LYST: variants seen among roughly 807,000 people sequenced by gnomAD.
LYST encodes lysosomal trafficking regulator.
In LYST, 192 loss-of-function variants were observed where a neutral mutation model predicts 413.6. The ratio of observed to expected loss-of-function variants is 0.46; its 90% confidence interval spans 0.41 to 0.52. LYST has a LOEUF of 0.52. LYST is among the 20% of genes least tolerant of loss of function. The pLI is 0.00. For synonymous variants in LYST, 1,525 were observed against 1,567.3 expected (o/e 0.97, Z 0.64); for missense variants, 3,815 against 4,499.9 (o/e 0.85, Z 4.35).
intron 10 of LYST, among the ~76,000 whole-genome samples, chr1:235,799,698 T>C (rs1373224311): frequency 6.6e-6 from 1 of 152,094 alleles, no homozygotes; most frequent in African/African-American, 2.4e-5. Context: ...CAAGTACAGA[T>C]TAATCAATAC....
rs552601776 is a variant in LYST, at chr1:235,808,803, TAAG to T, written c.2012_2014del (p.Ser671del). On this transcript the variant is annotated inframe_deletion, in exon 5 of 53. Coordinates refer to ENST00000389793, the MANE Select transcript of LYST (RefSeq NM_000081.4). ...GCTGGGCAGGATCCCTTGAAATCTGTAAGAAGGACTGGATAAACTTGAGGAGAG... is the reference window on the plus strand; with the variant it reads ...GCTGGGCAGGATCCCTTGAAATCTGTAAGGACTGGATAAACTTGAGGAGAG... 159 of 1,614,068 alleles carry T rather than the reference TAAG, an allele frequency of 9.9e-5. 2 individuals are homozygous for T. In the South Asian group the frequency reaches 1.6e-3, roughly 17 times the overall value.
At chr1:235,761,966 C>A (rs1275821578) in intron 22 of LYST, among the ~76,000 whole-genome samples, 1 of 115,470 alleles carries the variant, frequency 8.7e-6, no homozygotes. Flanking sequence ...CACACCAGGG[C>A]CTGTTGTCGG....
In LYST at chr1:235,801,056, T is replaced by C. The variant is rs1371507184; in HGVS notation, c.3754A>G (p.Ser1252Gly). The change falls in exon 9 of 53, where the codon AGC becomes GGC. Residue 1252 changes from serine (S) to glycine (G), a missense_variant. Physicochemically the swap from Ser to Gly is moderately conservative, Grantham distance 56. This residue lies in a region of LYST where 1,648 missense variants were observed against 1,810.3 expected (regional missense o/e 0.91). Coordinates refer to ENST00000389793, the MANE Select transcript of LYST (RefSeq NM_000081.4). ...KSETEGFSAS[S>G]SPNDLLENLT... ...TTTTCGAGTAAGTCATTTGGACTGC[T>C]TGATGCACTGAAACCTTCTGTTTCA... 4 of 1,613,204 alleles carry C rather than the reference T, an allele frequency of 2.5e-6. No individual in the cohort carries two copies. Among genetic ancestry groups the C allele is most frequent in the African/African-American group, 1.3e-5 (1 of 74,910 alleles).
Position 235,677,513 on chromosome 1 carries a change from C to T in LYST, c.10907G>A (p.Arg3636Lys). The T allele has an allele frequency of 6.2e-7, 1 of 1,613,778 alleles. No homozygotes were observed. The highest frequency in any genetic ancestry group is 8.5e-7 in the Non-Finnish European group (1 of 1,179,780). ...ATCCCATATGATGCAGGTTCCGTCT[C>T]TGCTCACACTTATCAGTATACTGTA... is the stretch of plus-strand genomic sequence containing the variant. The part of the protein sequence containing the change: ...KPYSILISVS[R>K]DGTCIIWDLN... Residue 3636 changes from arginine (R) to lysine (K), a missense_variant, in exon 49 of 53, where the codon AGA becomes AAA. Physicochemically the swap from Arg to Lys is conservative, Grantham distance 26. Around this residue, in one of 4 missense-constraint regions of LYST, gnomAD observed 866 missense variants for 1,156.0 expected, o/e 0.75. Transcript: ENST00000389793.
intron 48 of LYST, among the ~76,000 whole-genome samples, chr1:235,682,451 T>C (rs1659898504): frequency 6.6e-6 from 1 of 152,140 alleles, no homozygotes; most frequent in South Asian, 2.1e-4. Flanking sequence ...ATGAGAAGCA[T>C]GCTGTGCAGC....
intron 47 of LYST, among the ~76,000 whole-genome samples, chr1:235,689,581 G>A (rs1660493733): frequency 6.6e-6 from 1 of 151,866 alleles, no homozygotes; most frequent in Non-Finnish European, 1.5e-5. Context: ...CTAACGTAGA[G>A]GATGGTGACT....
intron 1 of LYST, among the ~76,000 whole-genome samples, chr1:235,834,123 T>C (rs1676283519): frequency 6.6e-6 from 1 of 152,204 alleles, no homozygotes; most frequent in Admixed American, 6.5e-5. Flanking sequence ...AAGCCAAACA[T>C]TAATTTATTA....
At chr1:235,721,203 A>T (rs1663339741) in intron 39 of LYST, among the ~76,000 whole-genome samples, 1 of 152,176 alleles carries the variant, frequency 6.6e-6, no homozygotes, top group Non-Finnish European at 1.5e-5. Flanking sequence ...AAAAAAAAAT[A>T]AGGAAAAAAG....
chr1:235,819,200 T>G (rs1017985618), intron 3 of LYST, among the ~76,000 whole-genome samples: 1 of 152,154 alleles, frequency 6.6e-6, no homozygotes, highest in Non-Finnish European at 1.5e-5. Flanking sequence ...TTCCTTCACA[T>G]TTCATTACCA....
At position 235,691,151 on chromosome 1, in the gene LYST, C is replaced by T. The variant is rs558426428; in HGVS notation, c.10701+2199G>A. Among the ~76,000 whole-genome samples, 171 of 152,230 alleles carry T rather than the reference C, an allele frequency of 1.1e-3. 1 individual carries two copies. The highest frequency in any genetic ancestry group is 0.01 in the Admixed American group (159 of 15,288). ...GCCAGGATGGTCTCGATCTCCTGAC[C>T]TTGTGATCCGCCCGCCTCGGCCTCC... is the stretch of plus-strand genomic sequence containing the variant. On this transcript the variant is annotated intron_variant, in intron 47 of 52. Coordinates refer to ENST00000389793, the MANE Select transcript of LYST (RefSeq NM_000081.4).
intron 7 of LYST, among the ~76,000 whole-genome samples, chr1:235,803,960 T>C (rs1260582600): frequency 6.6e-6 from 1 of 152,030 alleles, no homozygotes; most frequent in Non-Finnish European, 1.5e-5. Flanking sequence ...AACAAGCCAA[T>C]TATGTACCAC....
intron 50 of LYST, among the ~76,000 whole-genome samples, chr1:235,672,306 A>G (rs1284885532): frequency 6.6e-6 from 1 of 152,198 alleles, no homozygotes; most frequent in African/African-American, 2.4e-5. Flanking sequence ...ATCACCTAGT[A>G]CAGCTAGAGA....
At chr1:235,693,241 G>A (rs74888074) in intron 47 of LYST, 109 bp downstream of exon 47, 37 of 745,618 alleles carry the variant, frequency 5.0e-5, no homozygotes, top group Non-Finnish European at 7.1e-5. Flanking sequence ...GGCGTGAGCC[G>A]GGAGGTGGAG....
rs188020814 is a variant in LYST at position 235,878,957 on chromosome 1, T to A, written n.454+4230A>T. 3.3e-5 allele frequency among the ~76,000 whole-genome samples: 5 copies of A among 152,236 alleles called. No individual in the cohort carries two copies. The East Asian group carries it at 5.8e-4, about 18-fold the overall frequency. ...ATGGATATATTGAGTAGTGGTGAGG[T>A]CTGGGCTGTTAGAGTACCCATCACC... On this transcript the variant is annotated intron_variant and non_coding_transcript_variant, in intron 1 of 11. Coordinates refer to the LYST transcript ENST00000465349.
intron 1 of LYST, among the ~76,000 whole-genome samples, chr1:235,850,510 A>G (rs1055115122): frequency 6.6e-6 from 1 of 152,226 alleles, no homozygotes; most frequent in African/African-American, 2.4e-5. Context: ...ATGCAATAAC[A>G]ACAAAGATAA....
Position 235,751,193 on chromosome 1 carries a change from A to G in LYST, c.7780+17T>C, listed in dbSNP as rs1179649673. ...AGCCTCAATTTATGGTTATTAAAAT[A>G]TGATTTCAATACTCGCCAGCAATGC... On this transcript the variant is annotated intron_variant, in intron 28 of 52. Transcript: ENST00000389793. The G allele has an allele frequency of 4.4e-6, 7 of 1,608,936 alleles. No homozygotes were observed. Among genetic ancestry groups the G allele is most frequent in the Non-Finnish European group, 6.0e-6 (7 of 1,175,470 alleles).
chr1:235,777,436 TACTAC>T, intron 16 of LYST, 128 bp from the exon 17 acceptor site: 1 of 760,428 alleles, frequency 1.3e-6, no homozygotes, highest in Non-Finnish European at 2.2e-6. Flanking sequence ...AAACAACAGC[TACTAC>T]ACTAAACAGA....
chr1:235,862,579 T>C (rs931721009), intron 1 of LYST, among the ~76,000 whole-genome samples: 1 of 151,948 alleles, frequency 6.6e-6, no homozygotes, highest in Non-Finnish European at 1.5e-5. Flanking sequence ...GCAGATCACT[T>C]GAGGTCAGCA....
intron 19 of LYST, among the ~76,000 whole-genome samples, chr1:235,773,155 C>T (rs565051642): frequency 4.0e-5 from 6 of 151,716 alleles, no homozygotes; most frequent in Admixed American, 6.6e-5. Context: ...CTGTCTACAC[C>T]CAAAATACTA....
Sources: gnomAD v4.1 joint callset for allele counts (sites outside exome capture counted in the v4.1 genomes callset) on GRCh38, gnomAD v4.1.1 for gene constraint, gnomAD v4.1.1 regional missense constraint, MANE v1.5 for transcripts, NCBI Gene and HGNC (gene_info 2026-07-23, HGNC 2026-07-21) for gene names.